HMGN3: variants seen among roughly 807,000 people sequenced by gnomAD.
HMGN3 encodes high mobility group nucleosome-binding domain-containing protein 3.
HMGN3 carries 6 observed loss-of-function variants against 18.8 expected under a neutral mutation model. The observed-to-expected ratio is 0.32, with a 90% CI of 0.18 to 0.63. The LOEUF (loss-of-function observed/expected upper bound fraction) is 0.63. HMGN3 is among the 30% of genes least tolerant of loss of function. The pLI is 0.79. For missense variants in HMGN3, 107 were observed against 114.2 expected (o/e 0.94, Z 0.29); for synonymous variants, 40 against 36.5 (o/e 1.10, Z -0.35).
rs186841867 is a variant in HMGN3 at position 79,202,511 on chromosome 6, A to C, written c.148-122T>G. The C allele has an allele frequency of 2.1e-3, 1,648 of 801,762 alleles. 3 individuals are homozygous for C. Among genetic ancestry groups the C allele is most frequent in the Non-Finnish European group, 3.1e-3 (1,488 of 480,282 alleles). 49.7% of individuals were successfully genotyped at this position (801,762 alleles called of 1,614,324 possible). A position where few individuals can be genotyped will look rare whatever the true frequency, so the allele number is the denominator to read the frequency against. On this transcript the variant is annotated intron_variant, in intron 4 of 5. Coordinates refer to ENST00000344726, the Ensembl canonical transcript of HMGN3. The stretch of plus-strand genomic sequence containing the variant: ...AACCGTTACCATCATGGTGGCCTTT[A>C]TGGAGACACGGGAGCCTAATTTTGC...
At position 79,206,403 on chromosome 6, in the gene HMGN3, G is replaced by A. The variant is rs549969859; in HGVS notation, c.96+2144C>T. On this transcript the variant is annotated intron_variant, in intron 3 of 5. Coordinates refer to ENST00000344726, the Ensembl canonical transcript of HMGN3. ...GGACTTGGTGCCCTGTCTCCCAGCC[G>A]CTCCAGCTGTGACTAAAAGGGGCTA... Among the ~76,000 whole-genome samples, 25 of 152,254 alleles carry A rather than the reference G, an allele frequency of 1.6e-4. No homozygotes were observed. In the South Asian group the frequency reaches 3.5e-3, roughly 21 times the overall value.
intron 1 of HMGN3, among the ~76,000 whole-genome samples, chr6:79,218,947 GAAC>G (rs942602011): frequency 7.9e-5 from 12 of 152,122 alleles, no homozygotes; most frequent in African/African-American, 2.9e-4. Context: ...ATGCAACAAA[GAAC>G]AACAAAAGGA....
chr6:79,215,611 C>G (rs1367685082), intron 1 of HMGN3, among the ~76,000 whole-genome samples: 1 of 152,256 alleles, frequency 6.6e-6, no homozygotes, highest in African/African-American at 2.4e-5. Context: ...GTGCCACCCT[C>G]AGCTGATTTA....
intron 1 of HMGN3, among the ~76,000 whole-genome samples, chr6:79,225,056 T>C (rs1777500589): frequency 5.3e-5 from 8 of 152,228 alleles, no homozygotes; most frequent in South Asian, 2.1e-4. Context: ...AAAATACATA[T>C]GGAACTTAAG....
intron 2 of HMGN3, among the ~76,000 whole-genome samples, chr6:79,211,695 G>A (rs1582412165): frequency 2.0e-5 from 3 of 152,140 alleles, no homozygotes; most frequent in South Asian, 2.1e-4. Context: ...TTGCCACTAT[G>A]GTATATAGGT....
intron 3 of HMGN3, among the ~76,000 whole-genome samples, chr6:79,205,974 C>A (rs1776403918): frequency 6.6e-6 from 1 of 151,958 alleles, no homozygotes; most frequent in Admixed American, 6.6e-5. Flanking sequence ...AACATTTTGC[C>A]CCTGGTCTAG....
chr6:79,227,505 TA>T (rs1366495857), intron 1 of HMGN3, among the ~76,000 whole-genome samples: 1 of 152,216 alleles, frequency 6.6e-6, no homozygotes, highest in Non-Finnish European at 1.5e-5. Flanking sequence ...TCTTAATAAT[TA>T]AAAATCTCAT....
intron 1 of HMGN3, among the ~76,000 whole-genome samples, chr6:79,228,030 A>G (rs541407360): frequency 6.6e-6 from 1 of 152,348 alleles, no homozygotes; most frequent in Non-Finnish European, 1.5e-5. Context: ...CTTCTGAAAC[A>G]CAACAGGGTG....
intron 1 of HMGN3, among the ~76,000 whole-genome samples, chr6:79,228,065 T>G (rs1307262959): frequency 2.0e-5 from 3 of 152,178 alleles, no homozygotes; most frequent in Admixed American, 6.5e-5. Context: ...CCCCCAACCC[T>G]TTTAACTGAA....
At chr6:79,232,601 G>GTT (rs34937485) in intron 1 of HMGN3, among the ~76,000 whole-genome samples, 9 of 143,878 alleles carry the variant, frequency 6.3e-5, no homozygotes, top group Non-Finnish European at 7.7e-5. Context: ...TGTTATTTTA[G>GTT]TTTTTTTTTT....
intron 3 of HMGN3, among the ~76,000 whole-genome samples, chr6:79,206,338 G>A (rs893921212): frequency 5.9e-5 from 9 of 152,240 alleles, no homozygotes; most frequent in African/African-American, 9.6e-5. Flanking sequence ...AAATGGCTTC[G>A]TGGGCCTGAC....
intron 1 of HMGN3, among the ~76,000 whole-genome samples, chr6:79,223,240 A>T (rs34493475): frequency 0.067 from 10,124 of 152,206 alleles, 360 homozygotes; most frequent in South Asian, 0.1. Context: ...GGCTAGGTAC[A>T]GTGGCTCAGG....
chr6:79,206,794 C>T (rs1372612369), intron 3 of HMGN3, among the ~76,000 whole-genome samples: 1 of 152,212 alleles, frequency 6.6e-6, no homozygotes, highest in Non-Finnish European at 1.5e-5. Context: ...CCATTCAATG[C>T]CAGCCTGTGA....
chr6:79,231,776 T>C (rs1169010277), intron 1 of HMGN3, among the ~76,000 whole-genome samples: 1 of 152,206 alleles, frequency 6.6e-6, no homozygotes, highest in African/African-American at 2.4e-5. Flanking sequence ...TAAAGTTAAC[T>C]TTCCTTATCT....
chr6:79,203,433 G>A, intron 4 of HMGN3, 147 bp downstream of exon 4: 1 of 708,086 alleles, frequency 1.4e-6, no homozygotes, highest in South Asian at 1.8e-5. Flanking sequence ...AGAAAACTGT[G>A]CTTTATGCCT....
chr6:79,233,363 A>T lies in HMGN3; in HGVS notation c.15+1183T>A, dbSNP rs562815072. The stretch of plus-strand genomic sequence containing the variant: ...TTTCTACCCAATTTTTAGTAATAAC[A>T]TATAAGAAGGGGAAAGCTTTTGAAT... On this transcript the variant is annotated intron_variant, in intron 1 of 5. Coordinates refer to ENST00000344726, the Ensembl canonical transcript of HMGN3. Among the ~76,000 whole-genome samples, 4 of 152,356 alleles carry T rather than the reference A, an allele frequency of 2.6e-5. No homozygotes were observed. In the South Asian group the frequency reaches 8.3e-4, roughly 32 times the overall value.
At chr6:79,213,141 GA>G (rs1218788633) in intron 2 of HMGN3, among the ~76,000 whole-genome samples, 2,633 of 152,164 alleles carry the variant, frequency 0.017, 91 homozygotes, top group African/African-American at 0.061. Flanking sequence ...CTTGGAGGCT[GA>G]GATGGGAGAA....
intron 4 of HMGN3, among the ~76,000 whole-genome samples, chr6:79,203,182 T>C (rs563448024): frequency 2.6e-5 from 4 of 152,276 alleles, no homozygotes; most frequent in African/African-American, 9.6e-5. Context: ...ATTATATTAT[T>C]ATTATTAGAC....
intron 3 of HMGN3, among the ~76,000 whole-genome samples, chr6:79,205,370 T>C (rs1174141446): frequency 2.0e-5 from 3 of 152,210 alleles, no homozygotes; most frequent in African/African-American, 7.2e-5. Context: ...GATTGAATTA[T>C]GGGGGTGGGT....
Sources: gnomAD v4.1 joint callset for allele counts (sites outside exome capture counted in the v4.1 genomes callset) on GRCh38, gnomAD v4.1.1 for gene constraint, MANE v1.5 for transcripts, NCBI Gene and HGNC (gene_info 2026-07-23, HGNC 2026-07-21) for gene names.